The following CNTN1 variants were observed in gnomAD, a reference collection of about 807,000 sequenced individuals.
The protein encoded by CNTN1 is contactin 1, also known as contactin-1.
CNTN1 carries 38 observed loss-of-function variants against 126.4 expected under a neutral mutation model. The ratio of observed to expected loss-of-function variants is 0.30; its 90% confidence interval spans 0.23 to 0.39. The LOEUF is 0.39. Ranked by LOEUF, CNTN1 falls within the 10% of genes least tolerant of loss-of-function variation. CNTN1 has a pLI of 1.00. For missense variants in CNTN1, 1,009 were observed against 1,248.4 expected (o/e 0.81, Z 2.89); for synonymous variants, 413 against 422.6 (o/e 0.98, Z 0.28).
intron 8 of CNTN1, 49 bp from the exon 9 acceptor site, chr12:40,933,648 T>C: frequency 6.4e-7 from 1 of 1,569,418 alleles, no homozygotes; most frequent in Non-Finnish European, 8.8e-7. Flanking sequence ...CATAAAGTAA[T>C]TGTCTTTTAA....
intron 15 of CNTN1, among the ~76,000 whole-genome samples, chr12:40,967,947 ATATAT>A (rs1343711953): frequency 1.3e-5 from 2 of 151,070 alleles, no homozygotes; most frequent in East Asian, 1.9e-4. Context: ...ATAATAAAAT[ATATAT>A]TATATGTCAT....
At chr12:40,740,179 TAAAAC>T (rs1937877546) in intron 1 of CNTN1, among the ~76,000 whole-genome samples, 1 of 152,020 alleles carries the variant, frequency 6.6e-6, no homozygotes, top group Non-Finnish European at 1.5e-5. Context: ...CTACTGTAAT[TAAAAC>T]AGAGGAGTAT....
intron 1 of CNTN1, among the ~76,000 whole-genome samples, chr12:40,846,853 A>G (rs1942524400): frequency 1.5e-5 from 2 of 131,078 alleles, no homozygotes; most frequent in African/African-American, 5.3e-5. Flanking sequence ...TACCATGCCC[A>G]GTTATTTTTT....
chr12:40,774,679 C>T (rs1939506817), intron 1 of CNTN1, among the ~76,000 whole-genome samples: 1 of 151,560 alleles, frequency 6.6e-6, no homozygotes, highest in South Asian at 2.1e-4. Context: ...ACACTTAACT[C>T]TCATCTCAAT....
chr12:40,782,905 G>T (rs1939860515), intron 1 of CNTN1, among the ~76,000 whole-genome samples: 1 of 151,952 alleles, frequency 6.6e-6, no homozygotes, highest in African/African-American at 2.4e-5. Context: ...TAGAGGAAGG[G>T]TGTGCATGCT....
intron 15 of CNTN1, chr12:40,978,909 C>A (rs1200482304): frequency 6.6e-6 from 1 of 152,062 alleles, no homozygotes; most frequent in East Asian, 1.9e-4. Context: ...AGGGCTTTTT[C>A]TTCATTTGAG....
At chr12:40,971,386 A>C in intron 15 of CNTN1, 1 of 1,502,122 alleles carries the variant, frequency 6.7e-7, no homozygotes. Flanking sequence ...TCCTGCCCCT[A>C]ATTGGGCATC....
At chr12:40,924,774 A>T (rs1945578907) in intron 6 of CNTN1, 122 bp downstream of exon 6, 2 of 668,606 alleles carry the variant, frequency 3.0e-6, no homozygotes, top group Non-Finnish European at 5.6e-6. Context: ...ATGAGACTGA[A>T]TATTTGCATA....
chr12:40,783,851 G>A (rs1166525485), intron 1 of CNTN1, among the ~76,000 whole-genome samples: 1 of 152,008 alleles, frequency 6.6e-6, no homozygotes, highest in Non-Finnish European at 1.5e-5. Flanking sequence ...CTTAACATTA[G>A]TAAATAAAAT....
intron 1 of CNTN1, among the ~76,000 whole-genome samples, chr12:40,742,669 C>T (rs1473468547): frequency 6.6e-6 from 1 of 151,734 alleles, no homozygotes; most frequent in Non-Finnish European, 1.5e-5. Context: ...TATATCTTGT[C>T]TTCTCTCATG....
chr12:40,701,219 G>A (rs1241257232), intron 1 of CNTN1, among the ~76,000 whole-genome samples: 2 of 152,236 alleles, frequency 1.3e-5, no homozygotes, highest in South Asian at 4.1e-4. Flanking sequence ...TTTTATTTAT[G>A]AATATCTTAT....
intron 23 of CNTN1, among the ~76,000 whole-genome samples, chr12:41,053,345 T>C (rs1216076227): frequency 6.8e-6 from 1 of 147,220 alleles, no homozygotes; most frequent in Non-Finnish European, 1.5e-5. Context: ...GGATATATGA[T>C]ACCCAAAATG....
rs1390768003 is a variant in CNTN1 at position 41,016,666 on chromosome 12, T to C, written c.2185-16T>C. ...TGTATTACTAAAACCTACTCAATCT[T>C]TTAATTTCTATTTAGCCTTTGTCAA... On this transcript the variant is annotated splice_polypyrimidine_tract_variant and intron_variant, in intron 18 of 23. Transcript: ENST00000551295. 1.3e-6 allele frequency: 2 copies of C among 1,552,482 alleles called. No homozygotes were observed. The highest frequency in any genetic ancestry group is 3.3e-5 in the Admixed American group (2 of 59,956).
intron 1 of CNTN1, among the ~76,000 whole-genome samples, chr12:40,790,896 T>C (rs1315165991): frequency 6.6e-6 from 1 of 152,138 alleles, no homozygotes; most frequent in Non-Finnish European, 1.5e-5. Context: ...AAGCCCCTTG[T>C]AATAATTAAG....
At chr12:40,870,767 C>T (rs1378952902) in intron 1 of CNTN1, among the ~76,000 whole-genome samples, 1 of 151,974 alleles carries the variant, frequency 6.6e-6, no homozygotes, top group Non-Finnish European at 1.5e-5. Flanking sequence ...CACATACCAA[C>T]CCAAACACAC....
chr12:40,693,153 G>A (rs1393874731), intron 1 of CNTN1, among the ~76,000 whole-genome samples: 1 of 152,190 alleles, frequency 6.6e-6, no homozygotes, highest in South Asian at 2.1e-4. Context: ...GATGGGGGTG[G>A]GGAAGAATCC....
At chr12:40,984,982 A>G (rs987119638) in intron 16 of CNTN1, among the ~76,000 whole-genome samples, 5 of 152,020 alleles carry the variant, frequency 3.3e-5, no homozygotes, top group African/African-American at 1.2e-4. Flanking sequence ...ACCTTTACCA[A>G]TGCTCATTAT....
intron 1 of CNTN1, among the ~76,000 whole-genome samples, chr12:40,900,655 A>G (rs1345072887): frequency 6.6e-6 from 1 of 152,228 alleles, no homozygotes; most frequent in Non-Finnish European, 1.5e-5. Context: ...AATGCTGAGA[A>G]TTACTGATTC....
intron 17 of CNTN1, among the ~76,000 whole-genome samples, chr12:41,007,051 T>TG (rs1377633338): frequency 1.3e-5 from 1 of 74,198 alleles, no homozygotes; most frequent in Non-Finnish European, 2.6e-5. Flanking sequence ...TGTGGTTTTT[T>TG]TTTTTTTTTT....
Sources: allele counts gnomAD v4.1 joint callset (sites outside exome capture counted in the v4.1 genomes callset), GRCh38; gene constraint gnomAD v4.1.1; transcripts MANE v1.5; gene names NCBI Gene and HGNC (gene_info 2026-07-23, HGNC 2026-07-21).